The following UTP4 variants were observed in gnomAD, a reference collection of about 807,000 sequenced individuals.
The protein encoded by UTP4 is UTP4 small subunit processome component.
UTP4 carries 45 observed loss-of-function variants against 82.4 expected under a neutral mutation model. That is an observed-to-expected ratio of 0.55 (90% CI 0.43 to 0.70). The LOEUF (loss-of-function observed/expected upper bound fraction) is 0.70. Ranked by LOEUF, UTP4 falls within the 30% of genes least tolerant of loss-of-function variation. The pLI, the probability that UTP4 is intolerant of heterozygous loss-of-function variation, is 0.00. For synonymous variants in UTP4, 348 were observed against 300.3 expected, an observed-to-expected ratio of 1.16 and a Z score of -1.64; for missense variants, 819 against 858.3, an observed-to-expected ratio of 0.95 and a Z score of 0.57.
At chr16:69,165,252 G>T (rs1963672903) in intron 14 of UTP4, 89 bp from the exon 15 acceptor site, 2 of 1,113,888 alleles carry the variant, frequency 1.8e-6, no homozygotes, top group East Asian at 2.4e-5. Context: ...TTGAAGCTTT[G>T]TATAGATACT....
intron 6 of UTP4, among the ~76,000 whole-genome samples, chr16:69,147,382 G>A (rs940647698): frequency 3.3e-5 from 5 of 151,876 alleles, no homozygotes; most frequent in Admixed American, 6.6e-5. Context: ...GTATGCGCCT[G>A]TAGTCCCAGC....
chr16:69,165,353 A>G lies in UTP4; in HGVS notation c.1660A>G (p.Ser554Gly). The part of the protein sequence containing the change: ...AHSDQQVFEY[S>G]IPDKQYTDWS... ...TGTCCTCCCTCAGGTATTTGAGTAC[A>G]GCATCCCAGACAAACAGTATACAGA... The change falls in exon 15 of 17, where the codon AGC becomes GGC. Residue 554 changes from serine to glycine, a missense_variant. Transcript: ENST00000314423. 6.2e-7 allele frequency: 1 copy of G among 1,614,134 alleles called. No individual in the cohort carries two copies. Among genetic ancestry groups the G allele is most frequent in the Non-Finnish European group, 8.5e-7 (1 of 1,180,006 alleles).
chr16:69,136,332 A>G (rs1356309729), intron 2 of UTP4, among the ~76,000 whole-genome samples: 2 of 152,050 alleles, frequency 1.3e-5, no homozygotes, highest in African/African-American at 4.8e-5. Context: ...GGCTCAAACA[A>G]TCCTCCCCCG....
At position 69,150,921 on chromosome 16, in the gene UTP4, A is replaced by T. The variant is rs777825191; in HGVS notation, c.1002+17A>T. 2 of 1,590,302 alleles carry T rather than the reference A, an allele frequency of 1.3e-6. No individual in the cohort carries two copies. The highest frequency in any genetic ancestry group is 1.7e-6 in the Non-Finnish European group (2 of 1,159,968). Reference sequence around the variant, plus strand: ...TTTCCCCACGTAAGTGTCCATTCCAAGCCCCTGCTAACCCCTCATCTCCCC... The same window carrying T: ...TTTCCCCACGTAAGTGTCCATTCCATGCCCCTGCTAACCCCTCATCTCCCC... On this transcript the variant is annotated intron_variant, in intron 8 of 16. Coordinates refer to ENST00000314423, the MANE Select transcript of UTP4 (RefSeq NM_032830.3).
rs1962827236 is a variant in UTP4, at chr16:69,136,848, T to C, written c.312T>C (p.Ile104=). The C allele has an allele frequency of 1.2e-6, 2 of 1,614,208 alleles. No individual in the cohort carries two copies. The highest frequency in any genetic ancestry group is 1.3e-5 in the African/African-American group (1 of 75,052). The change falls in exon 3 of 17, where the codon ATT becomes ATC. Residue 104 remains isoleucine, a synonymous_variant. Coordinates refer to ENST00000314423, the MANE Select transcript of UTP4 (RefSeq NM_032830.3). Reference sequence around the variant, plus strand: ...CTATGGATGCCTTTGGAGGACCTATTTGGAGCATGGCTGCCAGCCCCAGTG... The same window carrying C: ...CTATGGATGCCTTTGGAGGACCTATCTGGAGCATGGCTGCCAGCCCCAGTG... ...KYAMDAFGGP[I]WSMAASPSGS...
At chr16:69,137,186 G>A (rs1481101333) in intron 3 of UTP4, among the ~76,000 whole-genome samples, 2 of 152,172 alleles carry the variant, frequency 1.3e-5, no homozygotes, top group South Asian at 2.1e-4. Flanking sequence ...GTGTTTTATG[G>A]TAAATTTCAT....
rs1042079128 is a variant in UTP4 at position 69,155,725 on chromosome 16, A to G, written c.1165-146A>G. ...GGTGCTCTGCCTCTGAAATAATCAT[A>G]TTAATGCAGACCACACGAGGATCGA... On this transcript the variant is annotated intron_variant, in intron 10 of 16. Transcript: ENST00000314423. The G allele has an allele frequency of 4.7e-6, 4 of 853,334 alleles. No homozygotes were observed. In the African/African-American group the frequency reaches 6.6e-5, roughly 14 times the overall value. The allele number at this position is 853,334 out of a possible 1,614,324, so 52.9% of individuals were successfully genotyped here.
In UTP4 at chr16:69,168,918, A is replaced by G. The variant is rs758174441; in HGVS notation, c.2042A>G (p.Lys681Arg). 3 of 1,613,130 alleles carry G rather than the reference A, an allele frequency of 1.9e-6. No homozygotes were observed. The highest frequency in any genetic ancestry group is 2.2e-5 in the East Asian group (1 of 44,886). ...IIAQLPPPIK[K>R]KKFGT is the part of the protein sequence containing the mutation. ...GCTCAGCTCCCACCACCCATTAAAA[A>G]GAAGAAATTTGGAACCTAAAACAGG... Residue 681 changes from lysine to arginine, a missense_variant, in exon 17 of 17, where the codon AAG (lysine) becomes AGG (arginine). By Grantham distance (26) the Lys-to-Arg change is conservative (BLOSUM62 2). Coordinates refer to ENST00000314423, the MANE Select transcript of UTP4 (RefSeq NM_032830.3).
intron 5 of UTP4, among the ~76,000 whole-genome samples, chr16:69,141,568 A>G (rs1962959150): frequency 6.6e-6 from 1 of 152,134 alleles, no homozygotes; most frequent in Non-Finnish European, 1.5e-5. Flanking sequence ...ATGTGGATCA[A>G]TTAATTGTTC....
intron 8 of UTP4, among the ~76,000 whole-genome samples, chr16:69,152,903 A>T (rs1181255263): frequency 6.6e-6 from 1 of 152,176 alleles, no homozygotes; most frequent in Non-Finnish European, 1.5e-5. Context: ...CATTACAGGC[A>T]TGAGCCACTG....
chr16:69,160,339 CTG>C lies in UTP4; in HGVS notation c.1445-15_1445-14del. On this transcript the variant is annotated splice_polypyrimidine_tract_variant and intron_variant, in intron 12 of 16. Coordinates refer to ENST00000314423, the MANE Select transcript of UTP4 (RefSeq NM_032830.3). ...ACACTGTGTGAATTCAGAGATGTAA[CTG>C]TTTTGTCCTCACAGGAACAGTGGAG... is the stretch of plus-strand genomic sequence containing the variant. 6.3e-7 allele frequency: 1 copy of C among 1,598,602 alleles called. No individual in the cohort carries two copies. The highest frequency in any genetic ancestry group is 1.1e-5 in the South Asian group (1 of 90,774).
chr16:69,139,783 T>G, intron 4 of UTP4, 42 bp from the exon 5 acceptor site: 1 of 1,299,870 alleles, frequency 7.7e-7, no homozygotes, highest in Non-Finnish European at 1.1e-6. Flanking sequence ...TTCGTATATT[T>G]ATGTGTATGT....
At chr16:69,138,067 A>C (rs1962857476) in intron 4 of UTP4, 182 bp downstream of exon 4, 2 of 585,568 alleles carry the variant, frequency 3.4e-6, no homozygotes, top group Non-Finnish European at 6.1e-6. Context: ...CATAGTTGTG[A>C]CTGCTTGGTT....
At position 69,155,440 on chromosome 16, in the gene UTP4, C is replaced by T. The variant is rs542213108; in HGVS notation, c.1165-431C>T. ...TCAGCCTCCCAAAGTGCTGGGATTACAGGCATGACCCACTGTACCTGGCCT... is the reference window on the plus strand; with the variant it reads ...TCAGCCTCCCAAAGTGCTGGGATTATAGGCATGACCCACTGTACCTGGCCT... On this transcript the variant is annotated intron_variant, in intron 10 of 16. Coordinates refer to ENST00000314423, the MANE Select transcript of UTP4 (RefSeq NM_032830.3). Among the ~76,000 whole-genome samples the T allele has an allele frequency of 4.6e-5, 7 of 152,314 alleles. No individual in the cohort carries two copies. The South Asian group carries it at 1.5e-3, about 32-fold the overall frequency.
At chr16:69,139,706 T>G (rs1393644594) in intron 4 of UTP4, 119 bp from the exon 5 acceptor site, 4 of 709,512 alleles carry the variant, frequency 5.6e-6, no homozygotes, top group African/African-American at 3.5e-5. Context: ...CAAGGAGTAC[T>G]ATAGATGAGA....
chr16:69,145,969 G>A (rs996623779), intron 6 of UTP4, among the ~76,000 whole-genome samples: 6 of 151,858 alleles, frequency 4.0e-5, no homozygotes, highest in Non-Finnish European at 7.4e-5. Context: ...AAATAAGTCC[G>A]ATTTTCTGTA....
At chr16:69,143,961 C>G (rs1963037395) in intron 6 of UTP4, among the ~76,000 whole-genome samples, 1 of 152,062 alleles carries the variant, frequency 6.6e-6, no homozygotes, top group African/African-American at 2.4e-5. Flanking sequence ...GATCTAGGCT[C>G]ATTGCAACCT....
chr16:69,146,305 C>T (rs1269817991), intron 6 of UTP4, among the ~76,000 whole-genome samples: 1 of 152,164 alleles, frequency 6.6e-6, no homozygotes, highest in Non-Finnish European at 1.5e-5. Context: ...ACTCATTAAA[C>T]ACTACCTCCT....
Position 69,157,109 on chromosome 16 carries a change from G to C in UTP4, c.1313G>C (p.Arg438Pro), listed in dbSNP as rs8056684. The C allele has an allele frequency of 2.5e-6, 4 of 1,613,972 alleles. No individual in the cohort carries two copies. Among genetic ancestry groups the C allele is most frequent in the South Asian group, 1.1e-5 (1 of 91,082 alleles). Residue 438 changes from arginine (R) to proline (P), a missense_variant, in exon 12 of 17, where the codon CGC (arginine) becomes CCC (proline). By Grantham distance (103) the Arg-to-Pro change is moderately radical (BLOSUM62 -2). Coordinates refer to ENST00000314423, the MANE Select transcript of UTP4 (RefSeq NM_032830.3). ...KRVSKMPAFL[R>P]SALQILFSED... ...GTTTCCAAAATGCCAGCATTCCTTC[G>C]CTCTGCCCTTCAGATTTTGTTTTCT... is the stretch of plus-strand genomic sequence containing the variant.
Sources: allele counts gnomAD v4.1 joint callset (sites outside exome capture counted in the v4.1 genomes callset), GRCh38; gene constraint gnomAD v4.1.1; transcripts MANE v1.5; gene names NCBI Gene and HGNC (gene_info 2026-07-23, HGNC 2026-07-21).